Variants in PLCB1 observed in about 807,000 individuals in gnomAD.
PLCB1 encodes 1-phosphatidylinositol 4,5-bisphosphate phosphodiesterase beta-1.
Under a neutral mutation model 161.8 loss-of-function variants are expected in PLCB1, and 46 were observed. The observed-to-expected ratio is 0.28, with a 90% CI of 0.22 to 0.36. The LOEUF is 0.36. Ranked by LOEUF, PLCB1 falls within the 10% of genes least tolerant of loss-of-function variation. PLCB1 has a pLI of 1.00. For missense variants in PLCB1, 1,016 were observed against 1,472.5 expected, an observed-to-expected ratio of 0.69 and a Z score of 5.07; for synonymous variants, 517 against 503.7, an observed-to-expected ratio of 1.03 and a Z score of -0.35.
chr20:8,139,218 C>G (rs2051379487), intron 1 of PLCB1, among the ~76,000 whole-genome samples: 1 of 150,416 alleles, frequency 6.6e-6, no homozygotes, highest in Non-Finnish European at 1.5e-5. Context: ...TCCGGAGTAT[C>G]TGGGATTACA....
chr20:8,295,365 T>A (rs192346754), intron 2 of PLCB1, among the ~76,000 whole-genome samples: 1 of 152,300 alleles, frequency 6.6e-6, no homozygotes, highest in East Asian at 1.9e-4. Context: ...GGAGGAAAGG[T>A]TTCTTTGGTA....
chr20:8,479,067 T>C (rs1982395834), intron 3 of PLCB1, among the ~76,000 whole-genome samples: 1 of 152,172 alleles, frequency 6.6e-6, no homozygotes, highest in African/African-American at 2.4e-5. Flanking sequence ...AGTAATAATA[T>C]TAATAAGAAG....
intron 31 of PLCB1, among the ~76,000 whole-genome samples, chr20:8,823,593 C>G (rs6056175): frequency 0.91 from 138,409 of 152,276 alleles, 63,427 homozygotes; most frequent in Non-Finnish European, 0.96. Context: ...ATACCATATT[C>G]AACTATTGAT....
chr20:8,270,739 T>C (rs1404268407), intron 2 of PLCB1, among the ~76,000 whole-genome samples: 1 of 152,182 alleles, frequency 6.6e-6, no homozygotes, highest in African/African-American at 2.4e-5. Flanking sequence ...TATCCTGCTG[T>C]CTGTGACTTA....
At chr20:8,837,375 C>T (rs6086624) in intron 31 of PLCB1, among the ~76,000 whole-genome samples, 48,739 of 151,974 alleles carry the variant, frequency 0.32, 8,804 homozygotes, top group East Asian at 0.63. Flanking sequence ...GTTTGGAAAA[C>T]TGTGAGGGAA....
intron 3 of PLCB1, among the ~76,000 whole-genome samples, chr20:8,385,969 T>A (rs2122408515): frequency 6.6e-6 from 1 of 152,324 alleles, no homozygotes; most frequent in East Asian, 1.9e-4. Flanking sequence ...TGGCCCTGCC[T>A]CCCCGTTCAA....
intron 4 of PLCB1, among the ~76,000 whole-genome samples, chr20:8,644,933 C>G (rs1376180970): frequency 6.6e-6 from 1 of 152,214 alleles, no homozygotes; most frequent in Non-Finnish European, 1.5e-5. Context: ...GTTGCCCTGT[C>G]TGTGTAGAAA....
chr20:8,835,101 T>C (rs931000510), intron 31 of PLCB1, among the ~76,000 whole-genome samples: 1 of 152,122 alleles, frequency 6.6e-6, no homozygotes, highest in Non-Finnish European at 1.5e-5. Flanking sequence ...TCCCAGCAAA[T>C]TGACACATAA....
chr20:8,438,591 C>T (rs1256894037), intron 3 of PLCB1, among the ~76,000 whole-genome samples: 4 of 152,178 alleles, frequency 2.6e-5, no homozygotes, highest in Admixed American at 6.5e-5. Context: ...GTGAAGTTCT[C>T]AGGTATCTGT....
chr20:8,696,925 G>A (rs1990597097), intron 10 of PLCB1, among the ~76,000 whole-genome samples: 1 of 152,048 alleles, frequency 6.6e-6, no homozygotes, highest in Admixed American at 6.6e-5. Context: ...AGCAGAGATG[G>A]GGTTTCACCA....
rs116691803 is a variant in PLCB1 at position 8,802,348 on chromosome 20, C to A, written c.3423+12087C>A. 3.8e-3 allele frequency: 2,026 copies of A among 531,228 alleles called. 43 individuals carry two copies. Among genetic ancestry groups the A allele is most frequent in the African/African-American group, 0.032 (1,647 of 51,212 alleles). 32.9% of individuals were successfully genotyped at this position (531,228 alleles called of 1,614,324 possible). On this transcript the variant is annotated intron_variant, in intron 31 of 31. Coordinates refer to ENST00000338037, the MANE Select transcript of PLCB1 (RefSeq NM_015192.4). ...ATGATCATTTCCTCATCCTTTCTGC[C>A]TTCCTCTGGTATTAATTTCTCCATC... is the stretch of plus-strand genomic sequence containing the variant.
At position 8,345,349 on chromosome 20, in the gene PLCB1, A is replaced by G. The variant is rs1166313002; in HGVS notation, c.178-26033A>G. Among the ~76,000 whole-genome samples the G allele has an allele frequency of 3.3e-5, 5 of 152,164 alleles. No homozygotes were observed. In the East Asian group the frequency reaches 9.6e-4, roughly 29 times the overall value. On this transcript the variant is annotated intron_variant, in intron 2 of 31. Coordinates refer to ENST00000338037, the MANE Select transcript of PLCB1 (RefSeq NM_015192.4). ...GACAAGCCGGGGGTTTAGAACATTG[A>G]TGTCCTCAGCGAATGACCCTAAGCT...
At chr20:8,805,581 A>G (rs1195356466) in intron 31 of PLCB1, among the ~76,000 whole-genome samples, 4 of 152,244 alleles carry the variant, frequency 2.6e-5, no homozygotes, top group African/African-American at 9.6e-5. Flanking sequence ...AACAAAAATT[A>G]GCATTTATGG....
intron 2 of PLCB1, among the ~76,000 whole-genome samples, chr20:8,215,281 C>T (rs1979057206): frequency 6.6e-6 from 1 of 151,816 alleles, no homozygotes; most frequent in Non-Finnish European, 1.5e-5. Flanking sequence ...ATTTGTTAAT[C>T]TCAAAAGGCC....
intron 3 of PLCB1, among the ~76,000 whole-genome samples, chr20:8,495,551 C>A (rs1983131203): frequency 8.6e-6 from 1 of 116,436 alleles, no homozygotes. Flanking sequence ...GCGCCCGCCA[C>A]CATGGCCGGC....
intron 3 of PLCB1, among the ~76,000 whole-genome samples, chr20:8,411,472 T>A (rs996836307): frequency 6.6e-6 from 1 of 152,204 alleles, no homozygotes; most frequent in Non-Finnish European, 1.5e-5. Flanking sequence ...GAGGTCTGTC[T>A]ATAAGAATTA....
At chr20:8,452,541 T>C (rs1193290543) in intron 3 of PLCB1, among the ~76,000 whole-genome samples, 1 of 152,194 alleles carries the variant, frequency 6.6e-6, no homozygotes, top group East Asian at 1.9e-4. Flanking sequence ...GAAAGATGAA[T>C]AACATGTAGG....
At chr20:8,289,239 C>G (rs931327646) in intron 2 of PLCB1, among the ~76,000 whole-genome samples, 1 of 152,204 alleles carries the variant, frequency 6.6e-6, no homozygotes, top group Non-Finnish European at 1.5e-5. Flanking sequence ...TTCAGCCTGT[C>G]TAACACTGCT....
In PLCB1 at chr20:8,312,296, A is replaced by C. The variant is rs113106404; in HGVS notation, c.178-59086A>C. 8.9e-3 allele frequency among the ~76,000 whole-genome samples: 1,356 copies of C among 152,190 alleles called. 18 individuals carry two copies. The highest frequency in any genetic ancestry group is 0.031 in the African/African-American group (1,268 of 41,510). On this transcript the variant is annotated intron_variant, in intron 2 of 31. Coordinates refer to ENST00000338037, the MANE Select transcript of PLCB1 (RefSeq NM_015192.4). ...ATTCTTCTACCCCGCAAAAGCCTAC[A>C]GGACTATCCCATTCCCACAGTTAGG...
Sources: allele counts gnomAD v4.1 joint callset (sites outside exome capture counted in the v4.1 genomes callset), GRCh38; gene constraint gnomAD v4.1.1; transcripts MANE v1.5; gene names NCBI Gene and HGNC (gene_info 2026-07-23, HGNC 2026-07-21).